PLCB1: variants seen among roughly 807,000 people sequenced by gnomAD.
PLCB1 encodes the protein phospholipase C beta 1, also known as 1-phosphatidylinositol 4,5-bisphosphate phosphodiesterase beta-1.
A neutral mutation model predicts 161.8 loss-of-function variants in PLCB1; 46 were observed. The ratio of observed to expected loss-of-function variants is 0.28; its 90% CI spans 0.22 to 0.36. The LOEUF is 0.36. PLCB1 is among the 10% of genes least tolerant of loss of function. The pLI, the probability that PLCB1 is intolerant of heterozygous loss-of-function variation, is 1.00. For missense variants in PLCB1, 1,016 were observed against 1,472.5 expected (o/e 0.69, Z 5.07); for synonymous variants, 517 against 503.7 (o/e 1.03, Z -0.35).
At chr20:8,761,175 G>A (rs1440190617) in intron 25 of PLCB1, among the ~76,000 whole-genome samples, 1 of 152,144 alleles carries the variant, frequency 6.6e-6, no homozygotes, top group East Asian at 1.9e-4. Context: ...TAAAACTCAA[G>A]CATAATGTTG....
At chr20:8,588,877 A>C (rs753211301) in intron 3 of PLCB1, among the ~76,000 whole-genome samples, 1 of 152,100 alleles carries the variant, frequency 6.6e-6, no homozygotes, top group African/African-American at 2.4e-5. Flanking sequence ...AATTTTCCCC[A>C]TTCCCTCTCC....
chr20:8,443,884 T>G (rs948694825), intron 3 of PLCB1, among the ~76,000 whole-genome samples: 1 of 152,104 alleles, frequency 6.6e-6, no homozygotes, highest in African/African-American at 2.4e-5. Context: ...AGTCCAGGGG[T>G]CACAATAGCA....
At chr20:8,872,251 C>T (rs550124647) in intron 31 of PLCB1, among the ~76,000 whole-genome samples, 2 of 152,184 alleles carry the variant, frequency 1.3e-5, no homozygotes, top group Non-Finnish European at 2.9e-5. Flanking sequence ...AACTCCAGCA[C>T]CCAATAAAAA....
At chr20:8,722,494 C>G in intron 15 of PLCB1, 73 bp downstream of exon 15, 1 of 1,144,586 alleles carries the variant, frequency 8.7e-7, no homozygotes, top group South Asian at 1.9e-5. Flanking sequence ...CTCATGGTCA[C>G]TTTCTGCCAT....
chr20:8,873,363 A>G (rs1204656502), intron 31 of PLCB1, among the ~76,000 whole-genome samples: 2 of 152,312 alleles, frequency 1.3e-5, no homozygotes, highest in South Asian at 2.1e-4. Flanking sequence ...TGCTTTTAAT[A>G]TCCACTTAGC....
intron 2 of PLCB1, among the ~76,000 whole-genome samples, chr20:8,347,053 A>G (rs1449463340): frequency 6.6e-6 from 1 of 152,312 alleles, no homozygotes; most frequent in South Asian, 2.1e-4. Flanking sequence ...AAACTATGGA[A>G]ATAAATAGCC....
chr20:8,469,541 T>C (rs971734373), intron 3 of PLCB1, among the ~76,000 whole-genome samples: 26 of 152,034 alleles, frequency 1.7e-4, no homozygotes, highest in African/African-American at 6.1e-4. Context: ...TTTGTCAGTG[T>C]AACCCTACTG....
At chr20:8,507,340 T>TTAGTAATAAAC (rs1983678826) in intron 3 of PLCB1, among the ~76,000 whole-genome samples, 1 of 152,178 alleles carries the variant, frequency 6.6e-6, no homozygotes, top group African/African-American at 2.4e-5. Context: ...CTGTAATTTC[T>TTAGTAATAAAC]TAGTAATAAA....
intron 8 of PLCB1, among the ~76,000 whole-genome samples, chr20:8,658,265 T>C (rs1205392604): frequency 6.6e-6 from 1 of 152,148 alleles, no homozygotes. Context: ...CTTATGCACA[T>C]GATGCAGTGT....
At chr20:8,150,199 G>T in intron 1 of PLCB1, 95 bp from the exon 2 acceptor site, 1 of 502,688 alleles carries the variant, frequency 2.0e-6, no homozygotes, top group Non-Finnish European at 3.6e-6. Context: ...GACTACTTTG[G>T]AGAATCTGTA....
At chr20:8,464,678 A>T (rs962492518) in intron 3 of PLCB1, among the ~76,000 whole-genome samples, 1 of 152,184 alleles carries the variant, frequency 6.6e-6, no homozygotes, top group Non-Finnish European at 1.5e-5. Context: ...GAGATAACAT[A>T]GAAAAGTTCA....
At chr20:8,518,681 G>T (rs1174629987) in intron 3 of PLCB1, among the ~76,000 whole-genome samples, 1 of 152,048 alleles carries the variant, frequency 6.6e-6, no homozygotes, top group Admixed American at 6.6e-5. Context: ...ATGGACCAGG[G>T]CAGCAGGTTG....
chr20:8,344,720 T>G (rs1815387470), intron 2 of PLCB1, among the ~76,000 whole-genome samples: 1 of 152,176 alleles, frequency 6.6e-6, no homozygotes, highest in African/African-American at 2.4e-5. Context: ...AACTCAATCT[T>G]GTTGAGCCCA....
chr20:8,553,447 A>G (rs1325268347), intron 3 of PLCB1, among the ~76,000 whole-genome samples: 1 of 152,184 alleles, frequency 6.6e-6, no homozygotes, highest in African/African-American at 2.4e-5. Context: ...TTGTTTTAAA[A>G]TACACCAACT....
chr20:8,180,953 G>A (rs994940864), intron 2 of PLCB1, among the ~76,000 whole-genome samples: 1 of 151,538 alleles, frequency 6.6e-6, no homozygotes, highest in Non-Finnish European at 1.5e-5. Context: ...GTGTGTGTGT[G>A]TGTGTGTGTG....
Position 8,132,467 on chromosome 20 carries a change from G to T in PLCB1, c.-185G>T, listed in dbSNP as rs565778597. The T allele has an allele frequency of 2.4e-5, 8 of 336,724 alleles. No individual in the cohort carries two copies. The highest frequency in any genetic ancestry group is 1.7e-4 in the African/African-American group (8 of 46,098). 20.9% of individuals were successfully genotyped at this position (336,724 alleles called of 1,614,324 possible). A position where few individuals can be genotyped will look rare whatever the true frequency, so the allele number is the denominator to read the frequency against. ...ATGGCCGGGCGCTGCGCCCCCGCGC[G>T]CTCTGCCTGCTGAGCGGCGCCGGAG... On this transcript the variant is annotated 5_prime_UTR_variant, in exon 1 of 32. Coordinates refer to ENST00000338037, the MANE Select transcript of PLCB1 (RefSeq NM_015192.4). This position sits in a 1 kb window ranked among gnomAD's most constrained non-coding sequence, Gnocchi z 5.2.
intron 23 of PLCB1, among the ~76,000 whole-genome samples, chr20:8,744,479 A>T (rs1030340735): frequency 6.6e-6 from 1 of 151,944 alleles, no homozygotes; most frequent in African/African-American, 2.4e-5. Flanking sequence ...GTGCTGACAC[A>T]TGCCTGTAAT....
At chr20:8,386,821 G>A (rs1224779110) in intron 3 of PLCB1, among the ~76,000 whole-genome samples, 3 of 152,226 alleles carry the variant, frequency 2.0e-5, no homozygotes, top group East Asian at 3.8e-4. Context: ...GTAATTTGCT[G>A]TAGCTTCTCC....
chr20:8,822,706 C>T (rs772798407), intron 31 of PLCB1, among the ~76,000 whole-genome samples: 10 of 152,332 alleles, frequency 6.6e-5, no homozygotes, highest in East Asian at 1.9e-4. Flanking sequence ...TCTTCCTAAA[C>T]GCTTCCTCAG....
Sources: allele counts gnomAD v4.1 joint callset (sites outside exome capture counted in the v4.1 genomes callset), GRCh38; gene constraint gnomAD v4.1.1; non-coding constraint Gnocchi (gnomAD v3.1); transcripts MANE v1.5; gene names NCBI Gene and HGNC (gene_info 2026-07-23, HGNC 2026-07-21).